GARIN2: variants seen among roughly 807,000 people sequenced by gnomAD.
GARIN2 encodes the protein Golgi-associated RAB2 interactor protein 2.
At chr14:67,198,277 C>T in the GARIN2 span, 2 of 1,613,824 alleles carry the variant, frequency 1.2e-6, no homozygotes, top group South Asian at 1.1e-5. Context: ...GGAGAGTATG[C>T]CCCTTTTGTA....
At chr14:67,204,764 GCA>G in the GARIN2 span, 1 of 1,607,268 alleles carries the variant, frequency 6.2e-7, no homozygotes, top group Non-Finnish European at 8.5e-7. Context: ...ATTACGAATA[GCA>G]CAGACATCAC....
At chr14:67,209,445 A>G in the GARIN2 span, among the ~76,000 whole-genome samples, 1 of 152,238 alleles carries the variant, frequency 6.6e-6, no homozygotes, top group Admixed American at 6.5e-5. Flanking sequence ...GATTGATTGC[A>G]TAACAATTAC....
At chr14:67,224,054 G>C in the GARIN2 span, 1 of 914,474 alleles carries the variant, frequency 1.1e-6, no homozygotes, top group Non-Finnish European at 1.3e-6. Flanking sequence ...CATTCACCCA[G>C]CAATGCTAGT....
At chr14:67,221,508 G>A in the GARIN2 span, among the ~76,000 whole-genome samples, 2 of 152,190 alleles carry the variant, frequency 1.3e-5, no homozygotes, top group African/African-American at 2.4e-5. Context: ...GGAGTGACTG[G>A]CAATAGATAT....
the GARIN2 span, among the ~76,000 whole-genome samples, chr14:67,204,339 T>A: frequency 3.3e-5 from 5 of 152,124 alleles, no homozygotes; most frequent in Admixed American, 3.3e-4. Flanking sequence ...CTCAGGAGGA[T>A]GAGGTGGGAG....
At chr14:67,222,909 C>T in the GARIN2 span, among the ~76,000 whole-genome samples, 5 of 151,242 alleles carry the variant, frequency 3.3e-5, no homozygotes, top group East Asian at 7.7e-4. Context: ...TTTAGTCACA[C>T]GTACAAGAGT....
chr14:67,199,419 T>G, the GARIN2 span: 1 of 1,613,706 alleles, frequency 6.2e-7, no homozygotes, highest in Non-Finnish European at 8.5e-7. Flanking sequence ...TATGATACTT[T>G]CAGCGCCTTT....
At chr14:67,198,974 G>A in the GARIN2 span, 2 of 703,546 alleles carry the variant, frequency 2.8e-6, no homozygotes, top group Non-Finnish European at 5.2e-6. Context: ...CATTCGAGAA[G>A]CTGCTCAGCT....
At chr14:67,218,051 G>C in the GARIN2 span, among the ~76,000 whole-genome samples, 1 of 152,300 alleles carries the variant, frequency 6.6e-6, no homozygotes, top group African/African-American at 2.4e-5. Flanking sequence ...GTGTTTGCAA[G>C]TTTCTCAGTG....
chr14:67,191,013 C>G, the GARIN2 span, among the ~76,000 whole-genome samples: 1 of 152,202 alleles, frequency 6.6e-6, no homozygotes, highest in Non-Finnish European at 1.5e-5. Flanking sequence ...GCAGGTGGAT[C>G]ACCTGAGGTC....
At chr14:67,219,316 G>A in the GARIN2 span, among the ~76,000 whole-genome samples, 1 of 152,182 alleles carries the variant, frequency 6.6e-6, no homozygotes, top group Non-Finnish European at 1.5e-5. Context: ...ACTCTGGGCA[G>A]ATCTAGTCCA....
chr14:67,203,286 C>T, the GARIN2 span: 2 of 1,583,396 alleles, frequency 1.3e-6, no homozygotes, highest in Non-Finnish European at 1.7e-6. Context: ...GAAACTAGTG[C>T]TCACCAGGTG....
the GARIN2 span, chr14:67,224,010 C>A: frequency 1.0e-6 from 1 of 980,788 alleles, no homozygotes; most frequent in Non-Finnish European, 1.2e-6. Context: ...AGTAGTAAAA[C>A]AAATTCCTGG....
chr14:67,224,118 T>C, the GARIN2 span: 1 of 596,350 alleles, frequency 1.7e-6, no homozygotes, highest in Non-Finnish European at 2.1e-6. Context: ...TTTGCGAAAG[T>C]TAAATTTTTT....
At chr14:67,227,470 A>G in the GARIN2 span, 1 of 151,668 alleles carries the variant, frequency 6.6e-6, no homozygotes, top group Non-Finnish European at 1.5e-5. Flanking sequence ...AAAAAGAAAA[A>G]TTTGCTCCCA....
At chr14:67,210,239 G>A in the GARIN2 span, among the ~76,000 whole-genome samples, 1 of 152,124 alleles carries the variant, frequency 6.6e-6, no homozygotes, top group South Asian at 2.1e-4. Context: ...ATAGTATGTC[G>A]ATTTCGTGAA....
chr14:67,214,993 T>C, the GARIN2 span, among the ~76,000 whole-genome samples: 1 of 152,176 alleles, frequency 6.6e-6, no homozygotes, highest in African/African-American at 2.4e-5. Flanking sequence ...ATAAGAATGC[T>C]TGTGATTTTT....
chr14:67,199,110 G>C, the GARIN2 span: 2 of 1,252,372 alleles, frequency 1.6e-6, no homozygotes, highest in African/African-American at 2.9e-5. Context: ...CACTGTGTAC[G>C]TGGGGGGCCT....
At chr14:67,216,501 T>A in the GARIN2 span, among the ~76,000 whole-genome samples, 1 of 152,182 alleles carries the variant, frequency 6.6e-6, no homozygotes, top group Non-Finnish European at 1.5e-5. Flanking sequence ...GGTTATTTAT[T>A]TGACATCTTT....
Sources: gnomAD v4.1 joint callset for allele counts (sites outside exome capture counted in the v4.1 genomes callset) on GRCh38, gnomAD v4.1.1 for gene constraint, MANE v1.5 for transcripts, NCBI Gene and HGNC (gene_info 2026-07-23, HGNC 2026-07-21) for gene names.